Variants in KCND3 observed in about 807,000 individuals in gnomAD.
KCND3 encodes the protein potassium voltage-gated channel subfamily D member 3.
Under a neutral mutation model 51.1 loss-of-function variants are expected in KCND3, and 9 were observed. The ratio of observed to expected loss-of-function variants is 0.18; its 90% CI spans 0.11 to 0.31. The LOEUF (loss-of-function observed/expected upper bound fraction) is 0.31, where lower values mean the gene tolerates loss of function less well. KCND3 is among the 10% of genes least tolerant of loss of function. KCND3 has a pLI of 1.00. For missense variants in KCND3, 526 were observed against 903.8 expected, an observed-to-expected ratio of 0.58 and a Z score of 5.36; for synonymous variants, 349 against 368.0, an observed-to-expected ratio of 0.95 and a Z score of 0.59.
chr1:111,863,661 G>A (rs1419363381), intron 2 of KCND3, among the ~76,000 whole-genome samples: 1 of 152,254 alleles, frequency 6.6e-6, no homozygotes, highest in African/African-American at 2.4e-5. Context: ...GACTTAGGGA[G>A]GCTCTGGTGG....
intron 2 of KCND3, among the ~76,000 whole-genome samples, chr1:111,813,306 G>A (rs1557952993): frequency 6.6e-6 from 1 of 152,168 alleles, no homozygotes. Flanking sequence ...ATTAATGCAC[G>A]ATCCAATTTA....
intron 2 of KCND3, among the ~76,000 whole-genome samples, chr1:111,803,440 G>A (rs918518717): frequency 6.6e-6 from 1 of 152,150 alleles, no homozygotes; most frequent in Non-Finnish European, 1.5e-5. Context: ...ATCAGTTTTG[G>A]GGTGATTAGA....
chr1:111,894,285 T>C (rs1415343925), intron 2 of KCND3, among the ~76,000 whole-genome samples: 1 of 152,214 alleles, frequency 6.6e-6, no homozygotes, highest in Non-Finnish European at 1.5e-5. Flanking sequence ...CTGTGTTCTA[T>C]GTTCCTCTCC....
At chr1:111,955,377 G>A (rs1673277004) in intron 2 of KCND3, among the ~76,000 whole-genome samples, 1 of 152,212 alleles carries the variant, frequency 6.6e-6, no homozygotes, top group African/African-American at 2.4e-5. Context: ...CTGCATCATT[G>A]CACTCCAGCC....
At chr1:111,902,894 A>G (rs538396122) in intron 2 of KCND3, among the ~76,000 whole-genome samples, 1 of 152,368 alleles carries the variant, frequency 6.6e-6, no homozygotes. Context: ...TTGTGAGAGT[A>G]GCAGAGTGCT....
chr1:111,802,825 G>GTT (rs1248799288), intron 2 of KCND3, among the ~76,000 whole-genome samples: 1 of 152,222 alleles, frequency 6.6e-6, no homozygotes, highest in African/African-American at 2.4e-5. Context: ...GGAAAACCCT[G>GTT]AAGAGCCCTT....
At chr1:111,882,167 A>G (rs918224506) in intron 2 of KCND3, among the ~76,000 whole-genome samples, 1 of 152,178 alleles carries the variant, frequency 6.6e-6, no homozygotes, top group African/African-American at 2.4e-5. Context: ...TGTCTGTTTA[A>G]TGAGGTGTTT....
At chr1:111,870,165 C>A (rs1457183357) in intron 2 of KCND3, among the ~76,000 whole-genome samples, 1 of 152,172 alleles carries the variant, frequency 6.6e-6, no homozygotes, top group Non-Finnish European at 1.5e-5. Context: ...AACTGAAGCA[C>A]AGAGAAGATA....
chr1:111,964,351 A>G (rs1673844315), intron 2 of KCND3, among the ~76,000 whole-genome samples: 1 of 152,206 alleles, frequency 6.6e-6, no homozygotes, highest in African/African-American at 2.4e-5. Context: ...ACAGCCTCCC[A>G]ACCTGCGGGC....
chr1:111,787,030 T>C lies in KCND3; in HGVS notation c.1183A>G (p.Ile395Val). The C allele has an allele frequency of 6.2e-7, 1 of 1,614,164 alleles. No individual in the cohort carries two copies. Among genetic ancestry groups the C allele is most frequent in the Non-Finnish European group, 8.5e-7 (1 of 1,180,024 alleles). Residue 395 changes from isoleucine to valine, a missense_variant, in exon 3 of 8, where the codon ATT (isoleucine) becomes GTT (valine). Ile to Val is a conservative substitution (Grantham distance 29, BLOSUM62 3). Around this residue, in one of 5 missense-constraint regions of KCND3, gnomAD observed 48 missense variants for 228.5 expected, o/e 0.21. Transcript: ENST00000302127. Reference sequence around the variant, plus strand: ...ACAATCACAGGGACTGGCAGGGCAATGACCAGGACGCCACTCAAGGAGCAG... The same window carrying C: ...ACAATCACAGGGACTGGCAGGGCAACGACCAGGACGCCACTCAAGGAGCAG... ...SICSLSGVLV[I>V]ALPVPVIVSN... is the part of the protein sequence containing the mutation.
At chr1:111,779,879 G>T (rs1352014987) in intron 5 of KCND3, among the ~76,000 whole-genome samples, 3 of 152,232 alleles carry the variant, frequency 2.0e-5, no homozygotes, top group Non-Finnish European at 4.4e-5. Flanking sequence ...CACAAATTCA[G>T]CCCAAGCTTT....
At chr1:111,874,021 C>T (rs1363986690) in intron 2 of KCND3, among the ~76,000 whole-genome samples, 2 of 152,114 alleles carry the variant, frequency 1.3e-5, no homozygotes, top group African/African-American at 4.8e-5. Flanking sequence ...AATGTTAAAT[C>T]CTGTGAGGTT....
chr1:111,836,026 C>T (rs1009145378), intron 2 of KCND3, among the ~76,000 whole-genome samples: 5 of 152,162 alleles, frequency 3.3e-5, no homozygotes, highest in Admixed American at 6.5e-5. Flanking sequence ...GATTACCTTG[C>T]TGTTGCTTTT....
At chr1:111,839,091 T>C (rs1207580416) in intron 2 of KCND3, among the ~76,000 whole-genome samples, 1 of 152,180 alleles carries the variant, frequency 6.6e-6, no homozygotes, top group Non-Finnish European at 1.5e-5. Context: ...CTTTTTAGAG[T>C]TTCATCGGTT....
intron 2 of KCND3, among the ~76,000 whole-genome samples, chr1:111,845,718 GACAA>G (rs1278013797): frequency 1.3e-5 from 2 of 152,176 alleles, no homozygotes; most frequent in African/African-American, 2.4e-5. Context: ...CTTATTCATA[GACAA>G]ACAGAGTGAG....
chr1:111,962,864 A>G (rs1425060199), intron 2 of KCND3, among the ~76,000 whole-genome samples: 2 of 152,198 alleles, frequency 1.3e-5, no homozygotes, highest in Non-Finnish European at 2.9e-5. Context: ...TCCTTTGGCC[A>G]TTGGGACATT....
chr1:111,848,618 G>A (rs1372929699), intron 2 of KCND3, among the ~76,000 whole-genome samples: 1 of 152,256 alleles, frequency 6.6e-6, no homozygotes, highest in East Asian at 1.9e-4. Flanking sequence ...TGCACTCACA[G>A]AGCCACACAG....
chr1:111,937,478 A>G (rs1672277378), intron 2 of KCND3, among the ~76,000 whole-genome samples: 1 of 152,196 alleles, frequency 6.6e-6, no homozygotes, highest in Admixed American at 6.5e-5. Flanking sequence ...TGCTGGTTGT[A>G]GCAGAGGACG....
chr1:111,863,549 T>G (rs550893729), intron 2 of KCND3, among the ~76,000 whole-genome samples: 1 of 152,306 alleles, frequency 6.6e-6, no homozygotes, highest in African/African-American at 2.4e-5. Context: ...CACAGAGGCA[T>G]TCAATAACAT....
Sources: allele counts gnomAD v4.1 joint callset (sites outside exome capture counted in the v4.1 genomes callset), GRCh38; gene constraint gnomAD v4.1.1; regional missense constraint gnomAD v4.1.1; transcripts MANE v1.5; gene names NCBI Gene and HGNC (gene_info 2026-07-23, HGNC 2026-07-21).